The following IQCM variants were observed in gnomAD, a reference collection of about 807,000 sequenced individuals.
The protein encoded by IQCM is IQ domain-containing protein M.
A neutral mutation model predicts 57.6 loss-of-function variants in IQCM; 45 were observed. The ratio of observed to expected loss-of-function variants is 0.78; its 90% CI spans 0.62 to 1.00. The LOEUF is 1.00. IQCM is among the 50% of genes least tolerant of loss of function. The pLI is 0.00. For missense variants in IQCM, 468 were observed against 511.6 expected (o/e 0.91, Z 0.82); for synonymous variants, 148 against 158.9 (o/e 0.93, Z 0.51).
rs139011533 is a variant in IQCM at position 149,404,774 on chromosome 4, A to G, written c.1390+28622T>C. 7.5e-4 allele frequency among the ~76,000 whole-genome samples: 114 copies of G among 152,230 alleles called. 1 individual carries two copies. Among genetic ancestry groups the G allele is most frequent in the Non-Finnish European group, 1.1e-3 (72 of 67,994 alleles). On this transcript the variant is annotated intron_variant, in intron 13 of 13. Coordinates refer to ENST00000636793, the MANE Select transcript of IQCM (RefSeq NM_001363507.2). ...GTGTACAAAAAGAATTGTACAGAAA[A>G]TATGTATACAAATATAAGGCTTTTT...
At chr4:149,768,061 T>C (rs1770224663) in intron 2 of IQCM, among the ~76,000 whole-genome samples, 1 of 152,094 alleles carries the variant, frequency 6.6e-6, no homozygotes, top group Admixed American at 6.6e-5. Flanking sequence ...CTCACGTAAC[T>C]CACAGCCCTG....
At chr4:149,679,555 T>C (rs1412666329) in intron 7 of IQCM, among the ~76,000 whole-genome samples, 2 of 151,534 alleles carry the variant, frequency 1.3e-5, no homozygotes, top group Non-Finnish European at 3.0e-5. Context: ...CAAATATTTA[T>C]GGTGATGGAC....
chr4:149,620,341 G>C (rs1175261489), intron 8 of IQCM, among the ~76,000 whole-genome samples: 1 of 152,018 alleles, frequency 6.6e-6, no homozygotes, highest in Admixed American at 6.6e-5. Flanking sequence ...CATCCAGTCT[G>C]TGGTATTTTG....
chr4:149,742,537 C>A, intron 3 of IQCM, 118 bp downstream of exon 3: 1 of 516,900 alleles, frequency 1.9e-6, no homozygotes, highest in Non-Finnish European at 3.0e-6. Context: ...TGGAATAAAT[C>A]CTTTCAAGAT....
chr4:149,748,710 G>C (rs1488725381), intron 2 of IQCM: 1 of 152,124 alleles, frequency 6.6e-6, no homozygotes. Flanking sequence ...TGATGGGCTG[G>C]GGTTGGTGAG....
At chr4:149,417,248 C>T (rs542716636) in intron 13 of IQCM, among the ~76,000 whole-genome samples, 9 of 152,214 alleles carry the variant, frequency 5.9e-5, no homozygotes, top group African/African-American at 1.7e-4. Flanking sequence ...CACATGTTGT[C>T]GGAACATTTG....
intron 13 of IQCM, among the ~76,000 whole-genome samples, chr4:149,412,797 T>C (rs1733480393): frequency 6.6e-6 from 1 of 152,180 alleles, no homozygotes; most frequent in Non-Finnish European, 1.5e-5. Context: ...GTTTTAGATT[T>C]AGTTAATGTA....
At chr4:149,706,702 G>A (rs1580073051) in intron 5 of IQCM, among the ~76,000 whole-genome samples, 2 of 152,018 alleles carry the variant, frequency 1.3e-5, no homozygotes, top group African/African-American at 4.8e-5. Flanking sequence ...TTTCTTTCAT[G>A]ATGTAACGTA....
intron 12 of IQCM, among the ~76,000 whole-genome samples, chr4:149,499,933 A>T (rs750925038): frequency 2.6e-5 from 4 of 152,168 alleles, no homozygotes; most frequent in Admixed American, 6.5e-5. Context: ...CTTGTGTCTG[A>T]CCCTTCCTTG....
chr4:149,813,028 T>C (rs1359551045), intron 2 of IQCM, among the ~76,000 whole-genome samples: 3 of 152,218 alleles, frequency 2.0e-5, no homozygotes. Context: ...GTGAACTTTT[T>C]CATTGCATTA....
chr4:149,719,422 T>C (rs1765263961), intron 5 of IQCM, among the ~76,000 whole-genome samples: 2 of 151,628 alleles, frequency 1.3e-5, no homozygotes, highest in African/African-American at 4.8e-5. Flanking sequence ...AAAACTAAAT[T>C]ATCTGAAACA....
At chr4:149,553,110 T>G in intron 11 of IQCM, 33 bp downstream of exon 11, 3 of 1,229,868 alleles carry the variant, frequency 2.4e-6, no homozygotes, top group Non-Finnish European at 2.0e-6. Flanking sequence ...ACTCCAAACT[T>G]AAATTCAAAC....
At chr4:149,760,976 A>G (rs1359611409) in intron 2 of IQCM, among the ~76,000 whole-genome samples, 2 of 152,142 alleles carry the variant, frequency 1.3e-5, no homozygotes, top group Admixed American at 6.6e-5. Flanking sequence ...TTTAGAGAAT[A>G]TGTCAAAGAA....
rs192087851 is a variant in IQCM, at chr4:149,783,115, C to G, written c.-49+32196G>C. 4.9e-4 allele frequency among the ~76,000 whole-genome samples: 75 copies of G among 152,326 alleles called. 2 individuals are homozygous for G. The East Asian group carries it at 0.013, about 26-fold the overall frequency. ...TCCCCTGTACTCCACATTCATCTAT[C>G]TAACTACTTTCTCCACATCTCCACT... On this transcript the variant is annotated intron_variant, in intron 2 of 13. Transcript: ENST00000636793.
intron 12 of IQCM, among the ~76,000 whole-genome samples, chr4:149,529,020 T>G (rs1452447511): frequency 6.6e-6 from 1 of 152,030 alleles, no homozygotes; most frequent in Non-Finnish European, 1.5e-5. Flanking sequence ...GACATAATAT[T>G]TAATGAGCAA....
intron 12 of IQCM, among the ~76,000 whole-genome samples, chr4:149,490,260 C>T (rs911672872): frequency 6.6e-6 from 1 of 151,874 alleles, no homozygotes; most frequent in Non-Finnish European, 1.5e-5. Flanking sequence ...TATGCAGATA[C>T]ATATGTTTTG....
At chr4:149,649,307 T>A (rs941275873) in intron 7 of IQCM, among the ~76,000 whole-genome samples, 1 of 152,074 alleles carries the variant, frequency 6.6e-6, no homozygotes, top group Admixed American at 6.6e-5. Flanking sequence ...AGCGAGGGTC[T>A]TTTATGAAGA....
At chr4:149,381,290 G>T (rs755172676) in intron 13 of IQCM, among the ~76,000 whole-genome samples, 7 of 151,816 alleles carry the variant, frequency 4.6e-5, no homozygotes, top group African/African-American at 4.8e-5. Flanking sequence ...CCCTGTTTCT[G>T]CCTCCTCTTC....
intron 2 of IQCM, among the ~76,000 whole-genome samples, chr4:149,814,739 G>T (rs138859802): frequency 1.3e-3 from 190 of 151,808 alleles, no homozygotes; most frequent in African/African-American, 4.3e-3. Flanking sequence ...CTATCTCTTG[G>T]ATCTATTATT....
Sources: gnomAD v4.1 joint callset for allele counts (sites outside exome capture counted in the v4.1 genomes callset) on GRCh38, gnomAD v4.1.1 for gene constraint, MANE v1.5 for transcripts, NCBI Gene and HGNC (gene_info 2026-07-23, HGNC 2026-07-21) for gene names.